IFI27: variants seen among roughly 807,000 people sequenced by gnomAD.
IFI27 encodes the protein interferon alpha-inducible protein 27, mitochondrial.
A neutral mutation model predicts 8.9 loss-of-function variants in IFI27; 3 were observed. That is an observed-to-expected ratio of 0.34 (90% CI 0.15 to 0.87). The LOEUF is 0.87. Ranked by LOEUF, IFI27 falls within the 40% of genes least tolerant of loss-of-function variation. IFI27 has a pLI of 0.51. For synonymous variants in IFI27, 66 were observed against 67.3 expected, an observed-to-expected ratio of 0.98 and a Z score of 0.09; for missense variants, 152 against 157.7, an observed-to-expected ratio of 0.96 and a Z score of 0.19.
At chr14:94,108,887 A>G (rs1887053565), upstream of IFI27, among the ~76,000 whole-genome samples, 1 of 152,208 alleles carries the variant, frequency 6.6e-6, no homozygotes, top group Non-Finnish European at 1.5e-5. Context: ...TTGGAGAACA[A>G]AGGAAAAAGC....
chr14:94,111,761 G>C lies in IFI27; in HGVS notation c.79G>C (p.Val27Leu), dbSNP rs1887196968. The change falls in exon 2 of 5, where the codon GTT becomes CTT. Residue 27 changes from valine to leucine, a missense_variant. Coordinates refer to ENST00000621160, the Ensembl canonical transcript of IFI27. This position sits in a 1 kb window ranked among gnomAD's most constrained non-coding sequence, Gnocchi z 4.3. ...CAGGGTGGCCTCTGGCTCTGCCGTA[G>C]TTTTGCCCCTGGGTGAGTGTTCCTG... is the stretch of plus-strand genomic sequence containing the variant. 1.2e-6 allele frequency: 2 copies of C among 1,614,082 alleles called. No individual in the cohort carries two copies. Among genetic ancestry groups the C allele is most frequent in the Non-Finnish European group, 1.7e-6 (2 of 1,179,906 alleles).
At chr14:94,109,226 C>T (rs1338490943), upstream of IFI27, among the ~76,000 whole-genome samples, 5 of 148,874 alleles carry the variant, frequency 3.4e-5, no homozygotes, top group Non-Finnish European at 6.0e-5. Flanking sequence ...ATCACTCCAC[C>T]GGGAGGTGGA....
intron 1 of IFI27, 60 bp downstream of exon 1, chr14:94,110,857 T>C (rs1425708886): frequency 1.3e-5 from 2 of 153,968 alleles, no homozygotes; most frequent in African/African-American, 4.8e-5. Context: ...TTGGGTGGGC[T>C]GTGGGCTCAG....
At chr14:94,108,878 T>C (rs1291365823), upstream of IFI27, among the ~76,000 whole-genome samples, 2 of 152,204 alleles carry the variant, frequency 1.3e-5, no homozygotes, top group Admixed American at 6.5e-5. Flanking sequence ...CTTTTTGTTT[T>C]GGAGAACAAA....
intron 3 of IFI27, chr14:94,115,193 C>T (rs1233826382): frequency 1.7e-5 from 11 of 649,732 alleles, no homozygotes; most frequent in Non-Finnish European, 2.8e-5. Flanking sequence ...CTCCTGTTTC[C>T]TCTCCAGAGA....
rs1479979899 is a variant in IFI27, at chr14:94,115,889, C to A, written c.230C>A (p.Ala77Asp). 4 of 1,598,626 alleles carry A rather than the reference C, an allele frequency of 2.5e-6. No homozygotes were observed. In the African/African-American group the frequency reaches 5.4e-5, roughly 21 times the overall value. ...AAGATGATGTCCGCGGCGGCCATTG[C>A]CAATGGGGGTGGAGTTGCCTCGGGC... is the stretch of plus-strand genomic sequence containing the variant. The change falls in exon 4 of 5, where the codon GCC becomes GAC. Residue 77 changes from alanine to aspartate, a missense_variant. Ala to Asp is a moderately radical substitution (Grantham distance 126, BLOSUM62 -2). Transcript: ENST00000621160.
upstream of IFI27, among the ~76,000 whole-genome samples, chr14:94,108,444 C>T (rs923588665): frequency 2.0e-4 from 30 of 152,284 alleles, no homozygotes; most frequent in South Asian, 3.5e-3. Flanking sequence ...GTGTATTGTT[C>T]CATCCAGAAG....
upstream of IFI27, among the ~76,000 whole-genome samples, chr14:94,107,565 C>T (rs1160074123): frequency 6.6e-6 from 1 of 152,076 alleles, no homozygotes; most frequent in African/African-American, 2.4e-5. Flanking sequence ...AAAGTTATTT[C>T]TGTGGATAGA....
At chr14:94,112,081 C>T (rs1887215222) in intron 2 of IFI27, 1 of 471,554 alleles carries the variant, frequency 2.1e-6, no homozygotes, top group East Asian at 3.7e-5. Flanking sequence ...GCTCTCCCTT[C>T]CCCCAGATTC....
upstream of IFI27, among the ~76,000 whole-genome samples, chr14:94,110,271 G>A (rs1394658292): frequency 1.3e-5 from 2 of 152,206 alleles, no homozygotes; most frequent in African/African-American, 4.8e-5. Flanking sequence ...AACTCTGTGA[G>A]GATGGATATT....
intron 2 of IFI27, 118 bp from the exon 3 acceptor site, chr14:94,114,733 C>T: frequency 3.0e-6 from 3 of 1,013,298 alleles, no homozygotes; most frequent in Middle Eastern, 2.1e-4. Flanking sequence ...GGAGTCATCC[C>T]TTCTTGTGGC....
chr14:94,114,550 C>T, intron 2 of IFI27: 1 of 450,532 alleles, frequency 2.2e-6, no homozygotes, highest in South Asian at 4.1e-5. Context: ...CTAAACCTGC[C>T]TTGGGAGGCA....
At chr14:94,113,502 C>CA (rs561160214) in intron 2 of IFI27, 20 of 149,910 alleles carry the variant, frequency 1.3e-4, no homozygotes, top group Non-Finnish European at 2.2e-4. Flanking sequence ...GATTCTGTCT[C>CA]AAAAAAAAAG....
chr14:94,107,851 T>A (rs192156771), upstream of IFI27, among the ~76,000 whole-genome samples: 217 of 152,364 alleles, frequency 1.4e-3, no homozygotes, highest in Non-Finnish European at 2.6e-3. Flanking sequence ...TTCTTTTTTT[T>A]AATTATACTT....
At position 94,116,420 on chromosome 14, in the gene IFI27, T is replaced by C; in HGVS notation, c.284-22T>C. The C allele has an allele frequency of 6.3e-7, 1 of 1,578,608 alleles. No individual in the cohort carries two copies. The highest frequency in any genetic ancestry group is 8.7e-7 in the Non-Finnish European group (1 of 1,151,888). ...TCCCCGACAGGCATGTCCCACTCTG[T>C]CCACCCTCTGCTTCTTCCCAGGAGC... On this transcript the variant is annotated intron_variant, in intron 4 of 4. Transcript: ENST00000621160. This position sits in a 1 kb window ranked among gnomAD's most constrained non-coding sequence, Gnocchi z 4.3.
chr14:94,114,539 G>A (rs1595411079), intron 2 of IFI27: 1 of 422,536 alleles, frequency 2.4e-6, no homozygotes, highest in Admixed American at 3.6e-5. Flanking sequence ...TTTTGTTTGA[G>A]CTAAACCTGC....
intron 3 of IFI27, chr14:94,115,173 C>A: frequency 1.5e-6 from 1 of 648,194 alleles, no homozygotes; most frequent in South Asian, 1.6e-5. Context: ...TGTCTTTGAA[C>A]TCCTCTGAGC....
chr14:94,115,976 G>A (rs1185786709), intron 4 of IFI27, 34 bp downstream of exon 4: 4 of 1,548,470 alleles, frequency 2.6e-6, no homozygotes, highest in African/African-American at 2.7e-5. Flanking sequence ...TGGGGAGGGC[G>A]ATGAGGAGGG....
At chr14:94,106,365 T>G (rs1887015122), upstream of IFI27, among the ~76,000 whole-genome samples, 1 of 152,222 alleles carries the variant, frequency 6.6e-6, no homozygotes, top group African/African-American at 2.4e-5. Context: ...CATATAGAAG[T>G]TCTTTTAATT....
Sources: gnomAD v4.1 joint callset for allele counts (sites outside exome capture counted in the v4.1 genomes callset) on GRCh38, gnomAD v4.1.1 for gene constraint, Gnocchi (gnomAD v3.1) non-coding constraint, MANE v1.5 for transcripts, NCBI Gene and HGNC (gene_info 2026-07-23, HGNC 2026-07-21) for gene names.